KIF18B: variants seen among roughly 807,000 people sequenced by gnomAD.
KIF18B encodes the protein kinesin-like protein KIF18B.
KIF18B carries 49 observed loss-of-function variants against 80.9 expected under a neutral mutation model. That is an observed-to-expected ratio of 0.61 (90% CI 0.48 to 0.77). KIF18B has a LOEUF of 0.77. Among genes scored for constraint, KIF18B ranks in the 30% least tolerant of loss-of-function variants. The pLI is 0.00. For missense variants in KIF18B, 994 were observed against 1,127.7 expected (o/e 0.88, Z 1.70); for synonymous variants, 439 against 463.9 (o/e 0.95, Z 0.69).
intron 1 of KIF18B, among the ~76,000 whole-genome samples, chr17:44,945,113 G>A (rs1353832923): frequency 3.9e-5 from 6 of 152,302 alleles, no homozygotes; most frequent in Non-Finnish European, 7.3e-5. Flanking sequence ...AGGGTAGAGT[G>A]CAGTGGCGCG....
At chr17:44,926,620 C>A (rs1379738298) in intron 14 of KIF18B, 121 bp from the exon 15 acceptor site, 1 of 970,970 alleles carries the variant, frequency 1.0e-6, no homozygotes, top group Non-Finnish European at 1.5e-6. Flanking sequence ...CTGCTGGGCA[C>A]CAGCAGGAGC....
Position 44,927,971 on chromosome 17 carries a change from C to T in KIF18B, c.2276+55G>A. ...TACTTCTCAGCAGCACCAAGAAGTC[C>T]CTTGCTGACCACTGACCACTGACAG... is the stretch of plus-strand genomic sequence containing the variant. On this transcript the variant is annotated intron_variant, in intron 13 of 15. Transcript: ENST00000593135. The surrounding 1 kb of genome is among the most constrained non-coding windows in gnomAD (Gnocchi z 4.1). The T allele has an allele frequency of 4.2e-6, 6 of 1,414,432 alleles. No homozygotes were observed. The highest frequency in any genetic ancestry group is 5.7e-6 in the Non-Finnish European group (6 of 1,051,984). 87.6% of individuals were successfully genotyped at this position (1,414,432 alleles called of 1,614,324 possible). A position where few individuals can be genotyped will look rare whatever the true frequency, so the allele number is the denominator to read the frequency against.
intron 11 of KIF18B, among the ~76,000 whole-genome samples, chr17:44,930,315 C>T (rs1047693070): frequency 3.9e-5 from 6 of 152,192 alleles, no homozygotes; most frequent in African/African-American, 1.4e-4. Flanking sequence ...GGGAGCTGGT[C>T]TAAATCTGGA....
At position 44,932,744 on chromosome 17, in the gene KIF18B, C is replaced by T. The variant is rs762545347; in HGVS notation, c.1167G>A (p.Val389=). ...EVAALRKKLQ[V]YEGGGQPPPQ... ...GTGGGGGCTGGCCTCCCCCCTCATA[C>T]ACTTGGAGCTTCTTCCTCAGAGCGG... The change falls in exon 9 of 16, where the codon GTG becomes GTA. Residue 389 remains valine, a synonymous_variant. Transcript: ENST00000593135. 1 of 1,613,424 alleles carries T rather than the reference C, an allele frequency of 6.2e-7. No homozygotes were observed. The highest frequency in any genetic ancestry group is 8.5e-7 in the Non-Finnish European group (1 of 1,179,716).
intron 11 of KIF18B, 93 bp downstream of exon 11, chr17:44,931,509 T>C: frequency 1.3e-6 from 2 of 1,547,296 alleles, no homozygotes; most frequent in South Asian, 1.1e-5. Context: ...AGACAGGGCT[T>C]TTGTGATGTG....
intron 10 of KIF18B, 113 bp from the exon 11 acceptor site, chr17:44,931,842 T>C (rs940958947): frequency 1.4e-5 from 20 of 1,409,630 alleles, no homozygotes; most frequent in Non-Finnish European, 1.9e-5. Context: ...GCTCCTAGAA[T>C]GACCAGGTCC....
chr17:44,934,134 C>T lies in KIF18B; in HGVS notation c.886-35G>A. ...AGTAAGCAGGTGTGGGGTGAGGCGA[C>T]TGATGGCACTGACCCAGGATGGGGC... On this transcript the variant is annotated intron_variant, in intron 6 of 15. Coordinates refer to ENST00000593135, the MANE Select transcript of KIF18B (RefSeq NM_001265577.2). The surrounding 1 kb of genome is among the most constrained non-coding windows in gnomAD (Gnocchi z 5.4). 1 of 1,606,348 alleles carries T rather than the reference C, an allele frequency of 6.2e-7. No homozygotes were observed. The highest frequency in any genetic ancestry group is 1.1e-5 in the South Asian group (1 of 89,958).
chr17:44,926,819 AG>A (rs1473145261), intron 14 of KIF18B, among the ~76,000 whole-genome samples, 169 bp downstream of exon 14: 1 of 152,180 alleles, frequency 6.6e-6, no homozygotes, highest in East Asian at 1.9e-4. Context: ...GCAAGGGCCA[AG>A]GAAACCTCAA....
chr17:44,932,821 A>T (rs1393190204), intron 8 of KIF18B, 48 bp from the exon 9 acceptor site: 3 of 1,571,822 alleles, frequency 1.9e-6, no homozygotes, highest in Non-Finnish European at 2.6e-6. Context: ...TAAGCACAGG[A>T]GGGGAGGGGC....
rs191797327 is a variant in KIF18B at position 44,935,457 on chromosome 17, C to T, written c.314-41G>A. The T allele has an allele frequency of 8.4e-6, 13 of 1,546,800 alleles. No individual in the cohort carries two copies. The East Asian group carries it at 3.0e-4, about 35-fold the overall frequency. ...TAAGGAGGAGGACCCCAGTGCCTTG[C>T]CACCCAGCTCAGCCCTTCCCTCCTC... On this transcript the variant is annotated intron_variant, in intron 2 of 15. Transcript: ENST00000593135.
At chr17:44,930,566 T>C (rs556814171) in intron 11 of KIF18B, among the ~76,000 whole-genome samples, 2 of 152,330 alleles carry the variant, frequency 1.3e-5, no homozygotes, top group African/African-American at 4.8e-5. Context: ...TGTTAGGACG[T>C]TTCCAAACAT....
At chr17:44,943,112 T>C (rs1046705720) in intron 1 of KIF18B, among the ~76,000 whole-genome samples, 2 of 152,172 alleles carry the variant, frequency 1.3e-5, no homozygotes, top group African/African-American at 4.8e-5. Flanking sequence ...TTTTTGTTTT[T>C]TTTTTGAGGG....
At chr17:44,941,872 C>T (rs1325965961) in intron 1 of KIF18B, among the ~76,000 whole-genome samples, 2 of 152,230 alleles carry the variant, frequency 1.3e-5, no homozygotes, top group Admixed American at 1.3e-4. Flanking sequence ...ATAACCTTTA[C>T]AGTTCTCTCC....
intron 14 of KIF18B, 89 bp downstream of exon 14, chr17:44,926,900 C>T (rs2052040181): frequency 8.8e-7 from 1 of 1,134,722 alleles, no homozygotes; most frequent in Admixed American, 2.0e-5. Context: ...GAGACAGAGA[C>T]ACTGGGGGCC....
intron 7 of KIF18B, 116 bp from the exon 8 acceptor site, chr17:44,933,102 G>C (rs965502737): frequency 1.2e-6 from 1 of 862,222 alleles, no homozygotes; most frequent in Non-Finnish European, 1.8e-6. Context: ...ACCCACCCTC[G>C]CAAGTGGGGA....
intron 1 of KIF18B, among the ~76,000 whole-genome samples, chr17:44,939,359 T>TC: frequency 1.2e-5 from 1 of 81,324 alleles, no homozygotes; most frequent in East Asian, 3.9e-4. Flanking sequence ...TGACAGAGAC[T>TC]CCATCTCAAA....
chr17:44,926,110 T>C lies in KIF18B; in HGVS notation c.2529A>G (p.Ser843=), dbSNP rs2145660923. 1.2e-6 allele frequency: 2 copies of C among 1,613,906 alleles called. No individual in the cohort carries two copies. The highest frequency in any genetic ancestry group is 4.5e-5 in the East Asian group (2 of 44,876). The part of the protein sequence containing the change: ...KDLIRVGRAL[S]AGNGVTKVS ...ACACCTTGGTGACGCCGTTCCCTGC[T>C]GAGAGTGCTCTCCCCACCCTGATGA... Residue 843 remains serine (S), a synonymous_variant, in exon 16 of 16, where the codon TCA becomes TCG. Coordinates refer to ENST00000593135, the MANE Select transcript of KIF18B (RefSeq NM_001265577.2).
In KIF18B at chr17:44,932,135, T is replaced by G. The variant is rs751828520; in HGVS notation, c.1310A>C (p.Gln437Pro). ...LQEESLGMEA[Q>P]VERAMEGNSS... The stretch of plus-strand genomic sequence containing the variant: ...GTTCCCTTCCATGGCCCTCTCCACC[T>G]GGGCCTCCATCCCCAGACTCTCCTC... The change falls in exon 10 of 16, where the codon CAG becomes CCG. Residue 437 changes from glutamine (Q) to proline (P), a missense_variant. Coordinates refer to ENST00000593135, the MANE Select transcript of KIF18B (RefSeq NM_001265577.2). The G allele has an allele frequency of 3.1e-6, 5 of 1,613,804 alleles. No homozygotes were observed. In the South Asian group the frequency reaches 5.5e-5, roughly 18 times the overall value.
chr17:44,926,652 T>C (rs1177127280), intron 14 of KIF18B, among the ~76,000 whole-genome samples, 153 bp from the exon 15 acceptor site: 4 of 151,678 alleles, frequency 2.6e-5, no homozygotes, highest in Non-Finnish European at 5.9e-5. Flanking sequence ...GATCTAAGGG[T>C]GGGAGAGGCA....
Sources: allele counts gnomAD v4.1 joint callset (sites outside exome capture counted in the v4.1 genomes callset), GRCh38; gene constraint gnomAD v4.1.1; non-coding constraint Gnocchi (gnomAD v3.1); transcripts MANE v1.5; gene names NCBI Gene and HGNC (gene_info 2026-07-23, HGNC 2026-07-21).